GRM5: variants seen among roughly 807,000 people sequenced by gnomAD.
GRM5 encodes the protein metabotropic glutamate receptor 5.
A neutral mutation model predicts 83.1 loss-of-function variants in GRM5; 19 were observed. That is an observed-to-expected ratio of 0.23 (90% CI 0.16 to 0.34). GRM5 has a LOEUF of 0.34. Among genes scored for constraint, GRM5 ranks in the 10% least tolerant of loss-of-function variants. The pLI is 1.00. For synonymous variants in GRM5, 675 were observed against 633.6 expected (o/e 1.07, Z -0.98); for missense variants, 1,160 against 1,588.3 (o/e 0.73, Z 4.58).
At chr11:88,511,204 G>A (rs1941359625) in intron 9 of GRM5, among the ~76,000 whole-genome samples, 1 of 152,160 alleles carries the variant, frequency 6.6e-6, no homozygotes, top group Non-Finnish European at 1.5e-5. Context: ...CTGGCAGAAA[G>A]CCATCCTTTT....
intron 2 of GRM5, among the ~76,000 whole-genome samples, chr11:88,991,187 A>G (rs1039940554): frequency 2.6e-5 from 4 of 152,122 alleles, no homozygotes; most frequent in African/African-American, 4.8e-5. Context: ...AAATCAATGT[A>G]CAAAAATCAC....
In GRM5 at chr11:88,809,556, C is replaced by T. The variant is rs563295047; in HGVS notation, c.911+40350G>A. ...ATCAAAGTAGGCATGATTAACTTTG[C>T]TATATTCTAGAAAATGGAAACCCAG... On this transcript the variant is annotated intron_variant, in intron 3 of 9. Coordinates refer to ENST00000305447, the MANE Select transcript of GRM5 (RefSeq NM_001143831.3). 1.2e-4 allele frequency among the ~76,000 whole-genome samples: 18 copies of T among 152,068 alleles called. No individual in the cohort carries two copies. In the South Asian group the frequency reaches 1.9e-3, roughly 16 times the overall value.
intron 2 of GRM5, among the ~76,000 whole-genome samples, chr11:88,968,597 G>C (rs1287211358): frequency 6.6e-6 from 1 of 152,068 alleles, no homozygotes; most frequent in African/African-American, 2.4e-5. Context: ...GATCGCTTGA[G>C]GCCAGGAGTT....
At chr11:88,960,525 T>TG (rs1938748900) in intron 2 of GRM5, among the ~76,000 whole-genome samples, 1 of 152,238 alleles carries the variant, frequency 6.6e-6, no homozygotes, top group Non-Finnish European at 1.5e-5. Context: ...TGCTGGTTAA[T>TG]GCTTGGTGCA....
chr11:88,522,617 G>C (rs978467374), intron 9 of GRM5, among the ~76,000 whole-genome samples: 31 of 147,576 alleles, frequency 2.1e-4, no homozygotes, highest in African/African-American at 6.2e-4. Flanking sequence ...GTGTGTGTGT[G>C]TGTGTGTGTG....
chr11:88,989,313 A>G (rs1300401946), intron 2 of GRM5, among the ~76,000 whole-genome samples: 2,076 of 142,270 alleles, frequency 0.015, 31 homozygotes, highest in African/African-American at 0.052. Context: ...AGAGCTAACT[A>G]TCCTAAATAT....
intron 4 of GRM5, among the ~76,000 whole-genome samples, chr11:88,644,221 T>C (rs1453736375): frequency 6.6e-6 from 1 of 152,194 alleles, no homozygotes; most frequent in African/African-American, 2.4e-5. Context: ...CCATGAACAA[T>C]GGTCAGTTAT....
chr11:88,827,826 C>T (rs1487159998), intron 3 of GRM5, among the ~76,000 whole-genome samples: 1 of 152,142 alleles, frequency 6.6e-6, no homozygotes, highest in Non-Finnish European at 1.5e-5. Context: ...CTAGCATAGA[C>T]TAGAGAGACA....
Position 88,988,822 on chromosome 11 carries a change from T to G in GRM5, c.661+58390A>C, listed in dbSNP as rs1161659233. 2.2e-5 allele frequency among the ~76,000 whole-genome samples: 3 copies of G among 137,868 alleles called. No individual in the cohort carries two copies. The East Asian group carries it at 6.4e-4, about 29-fold the overall frequency. 90.4% of individuals were successfully genotyped at this position (137,868 alleles called of 152,430 possible). On this transcript the variant is annotated intron_variant, in intron 2 of 9. Coordinates refer to ENST00000305447, the MANE Select transcript of GRM5 (RefSeq NM_001143831.3). ...GACAAGCAAATGCTGAGAGACTTTGTCACCACCAGGCCTGCCCTAAAAGAG... is the reference window on the plus strand; with the variant it reads ...GACAAGCAAATGCTGAGAGACTTTGGCACCACCAGGCCTGCCCTAAAAGAG...
At chr11:88,920,237 A>G (rs1182875694) in intron 2 of GRM5, among the ~76,000 whole-genome samples, 1 of 152,016 alleles carries the variant, frequency 6.6e-6, no homozygotes, top group Non-Finnish European at 1.5e-5. Flanking sequence ...AGAAATCCAA[A>G]GGATCATTGT....
intron 2 of GRM5, among the ~76,000 whole-genome samples, chr11:88,930,019 T>A (rs1415977968): frequency 2.0e-5 from 3 of 152,084 alleles, no homozygotes; most frequent in Non-Finnish European, 1.5e-5. Context: ...AAAACTGTCA[T>A]CTCTCCAAAC....
chr11:89,002,024 G>C (rs1336273527), intron 2 of GRM5, among the ~76,000 whole-genome samples: 6 of 152,120 alleles, frequency 3.9e-5, no homozygotes, highest in African/African-American at 1.4e-4. Context: ...TCCCCCTAGA[G>C]AGCTGGAAAT....
At chr11:88,954,334 C>G (rs1007516532) in intron 2 of GRM5, among the ~76,000 whole-genome samples, 13 of 147,952 alleles carry the variant, frequency 8.8e-5, no homozygotes, top group Non-Finnish European at 1.6e-4. Context: ...TACAGAGATA[C>G]CTGACATTTT....
At chr11:89,006,600 T>G (rs1182708698) in intron 2 of GRM5, among the ~76,000 whole-genome samples, 1 of 152,212 alleles carries the variant, frequency 6.6e-6, no homozygotes, top group African/African-American at 2.4e-5. Context: ...GTCCCCTGAC[T>G]GTCTCACTAA....
chr11:88,751,468 C>T (rs924948210), intron 3 of GRM5, among the ~76,000 whole-genome samples: 13 of 152,084 alleles, frequency 8.5e-5, no homozygotes, highest in Non-Finnish European at 1.6e-4. Context: ...AATAAATAGC[C>T]TACCAACCAA....
rs929601628 is a variant in GRM5, at chr11:88,565,719, T to C, written c.2630+1334A>G. ...TGAAAGGCCTGCTGTGTACAGACCA[T>C]GACATTGCCAGGATTTATTGAAAAA... is the stretch of plus-strand genomic sequence containing the variant. On this transcript the variant is annotated intron_variant, in intron 8 of 9. Coordinates refer to ENST00000305447, the MANE Select transcript of GRM5 (RefSeq NM_001143831.3). 5.3e-5 allele frequency among the ~76,000 whole-genome samples: 8 copies of C among 152,204 alleles called. No homozygotes were observed. In the East Asian group the frequency reaches 1.5e-3, roughly 29 times the overall value.
chr11:88,931,042 G>A (rs1317200800), intron 2 of GRM5, among the ~76,000 whole-genome samples: 1 of 147,626 alleles, frequency 6.8e-6, no homozygotes, highest in East Asian at 2.0e-4. Flanking sequence ...TTTATATACA[G>A]GTATATAAAA....
intron 3 of GRM5, among the ~76,000 whole-genome samples, chr11:88,723,226 C>CACTG (rs1941588804): frequency 6.6e-6 from 1 of 151,118 alleles, no homozygotes; most frequent in Non-Finnish European, 1.5e-5. Flanking sequence ...TTCTTTTCAT[C>CACTG]ACTGACTACT....
rs536817640 is a variant in GRM5 at position 88,622,106 on chromosome 11, G to A, written c.1148-17142C>T. Among the ~76,000 whole-genome samples the A allele has an allele frequency of 1.1e-4, 16 of 152,034 alleles. No individual in the cohort carries two copies. The East Asian group carries it at 3.1e-3, about 29-fold the overall frequency. On this transcript the variant is annotated intron_variant, in intron 4 of 9. Transcript: ENST00000305447. ...AATCACAACACTATTTTCAACCATG[G>A]CAATAATTATTTTCTATAAGCCATT...
Sources: allele counts gnomAD v4.1 joint callset (sites outside exome capture counted in the v4.1 genomes callset), GRCh38; gene constraint gnomAD v4.1.1; transcripts MANE v1.5; gene names NCBI Gene and HGNC (gene_info 2026-07-23, HGNC 2026-07-21).